The following NDUFC1 variants were observed in gnomAD, a reference collection of about 807,000 sequenced individuals.
NDUFC1 encodes NADH dehydrogenase [ubiquinone] 1 subunit C1, mitochondrial.
A neutral mutation model predicts 11.6 loss-of-function variants in NDUFC1; 11 were observed. The observed-to-expected ratio is 0.95, with a 90% CI of 0.60 to 1.58. The LOEUF (loss-of-function observed/expected upper bound fraction) is 1.58, where lower values mean the gene tolerates loss of function less well. NDUFC1 is among the 40% of genes most tolerant of loss of function. The pLI is 0.00. For synonymous variants in NDUFC1, 52 were observed against 42.2 expected (o/e 1.23, Z -0.90); for missense variants, 112 against 93.0 (o/e 1.20, Z -0.84).
At chr4:139,301,943 T>G (rs994808388) in intron 1 of NDUFC1, 3 of 1,178,952 alleles carry the variant, frequency 2.5e-6, no homozygotes, top group Non-Finnish European at 3.6e-6. Flanking sequence ...GGACCCCGCC[T>G]TCATAGCTCT....
At chr4:139,290,771 C>T (rs1348534879) in intron 5 of NDUFC1, among the ~76,000 whole-genome samples, 2 of 151,050 alleles carry the variant, frequency 1.3e-5, no homozygotes, top group African/African-American at 4.9e-5. Context: ...ATATTTGATA[C>T]ATATCTATAG....
chr4:139,293,494 GA>G (rs1293506562), intron 4 of NDUFC1, among the ~76,000 whole-genome samples: 2 of 152,118 alleles, frequency 1.3e-5, no homozygotes, highest in African/African-American at 4.8e-5. Flanking sequence ...TCTTGTTAGA[GA>G]AAACCTTAAA....
chr4:139,297,579 AAG>A (rs1350621870), intron 1 of NDUFC1, 136 bp from the exon 2 acceptor site: 1 of 152,218 alleles, frequency 6.6e-6, no homozygotes, highest in Non-Finnish European at 1.5e-5. Flanking sequence ...TCCAGGTGAA[AAG>A]AGAGAGGATT....
rs771627820 is a variant in NDUFC1, at chr4:139,295,909, C to T, written c.-111G>A. ...CAGCAGAGCTCCGTGGGGGCGTCAA[C>T]GTGAATTCCAGCACGGCAAGGTTCT... On this transcript the variant is annotated 5_prime_UTR_variant, in exon 3 of 6. Coordinates refer to ENST00000394223, the MANE Select transcript of NDUFC1 (RefSeq NM_001184989.2). 8.9e-7 allele frequency: 1 copy of T among 1,123,120 alleles called. No individual in the cohort carries two copies. 69.6% of individuals were successfully genotyped at this position (1,123,120 alleles called of 1,614,324 possible).
At position 139,295,731 on chromosome 4, in the gene NDUFC1, C is replaced by T. The variant is rs759444928; in HGVS notation, c.67+1G>A. Reference sequence around the variant, plus strand: ...TCGGCCTGCACGAGGAGGATACTCACGGCCGCTCGGGAGCCTGGCGGGGGC... The same window carrying T: ...TCGGCCTGCACGAGGAGGATACTCATGGCCGCTCGGGAGCCTGGCGGGGGC... On this transcript the variant is annotated splice_donor_variant, in intron 3 of 5. Coordinates refer to ENST00000394223, the MANE Select transcript of NDUFC1 (RefSeq NM_001184989.2). LOFTEE classifies it high-confidence loss of function. 2 of 1,542,354 alleles carry T rather than the reference C, an allele frequency of 1.3e-6. No individual in the cohort carries two copies. Among genetic ancestry groups the T allele is most frequent in the Admixed American group, 2.1e-5 (1 of 47,836 alleles).
At chr4:139,294,563 C>T (rs1037350659) in intron 4 of NDUFC1, among the ~76,000 whole-genome samples, 1 of 151,358 alleles carries the variant, frequency 6.6e-6, no homozygotes, top group African/African-American at 2.4e-5. Flanking sequence ...GGTGAAACCC[C>T]GTCTCTACCA....
intron 4 of NDUFC1, among the ~76,000 whole-genome samples, chr4:139,293,970 C>G (rs1178160949): frequency 9.0e-6 from 1 of 111,180 alleles, no homozygotes; most frequent in East Asian, 3.0e-4. Flanking sequence ...GAGACAGAGT[C>G]TCGCTGTATC....
In NDUFC1 at chr4:139,301,177, C is replaced by T. The variant is rs976947960; in HGVS notation, c.-222+1239G>A. Reference sequence around the variant, plus strand: ...TACACCTGTATTTTAGCACTTTGGGCTCAAACGATGATCACACAGTGTGCG... The same window carrying T: ...TACACCTGTATTTTAGCACTTTGGGTTCAAACGATGATCACACAGTGTGCG... On this transcript the variant is annotated intron_variant, in intron 1 of 5. Coordinates refer to ENST00000394223, the MANE Select transcript of NDUFC1 (RefSeq NM_001184989.2). 4.5e-5 allele frequency: 9 copies of T among 199,890 alleles called. No homozygotes were observed. In the Admixed American group the frequency reaches 4.8e-4, roughly 11 times the overall value. 12.4% of individuals were successfully genotyped at this position (199,890 alleles called of 1,614,324 possible). A position where few individuals can be genotyped will look rare whatever the true frequency, so the allele number is the denominator to read the frequency against.
intron 1 of NDUFC1, chr4:139,300,916 GACTA>G (rs1560944377): frequency 6.6e-6 from 1 of 152,176 alleles, no homozygotes; most frequent in Non-Finnish European, 1.5e-5. Flanking sequence ...CTTCGGATCT[GACTA>G]ACTACCTTTC....
At chr4:139,301,950 C>A in intron 1 of NDUFC1, 1 of 1,123,836 alleles carries the variant, frequency 8.9e-7, no homozygotes, top group Non-Finnish European at 1.3e-6. Context: ...GCCTTCATAG[C>A]TCTCGTCAGG....
intron 4 of NDUFC1, among the ~76,000 whole-genome samples, chr4:139,293,664 G>A (rs149483761): frequency 2.4e-4 from 37 of 152,264 alleles, no homozygotes; most frequent in African/African-American, 6.7e-4. Context: ...GGACAGTGGA[G>A]GAAGTCCCAA....
chr4:139,294,650 G>A (rs1294488296), intron 4 of NDUFC1, among the ~76,000 whole-genome samples: 1 of 151,484 alleles, frequency 6.6e-6, no homozygotes, highest in Non-Finnish European at 1.5e-5. Flanking sequence ...CAGGAGAATG[G>A]CGTGAACCCG....
In NDUFC1 at chr4:139,295,176, T is replaced by A. The variant is rs543440889; in HGVS notation, c.68-30A>T. 2.6e-6 allele frequency: 4 copies of A among 1,557,622 alleles called. No individual in the cohort carries two copies. In the South Asian group the frequency reaches 3.3e-5, roughly 13 times the overall value. On this transcript the variant is annotated intron_variant, in intron 3 of 5. Coordinates refer to ENST00000394223, the MANE Select transcript of NDUFC1 (RefSeq NM_001184989.2). The stretch of plus-strand genomic sequence containing the variant: ...AAGGGGAAGAGGGTCTGTAAATTTG[T>A]AACTTACTGCCTTGTAGGGAAAAAA...
Position 139,295,163 on chromosome 4 carries a change from G to GT in NDUFC1, c.68-18dup, listed in dbSNP as rs776259538. 2.7e-5 allele frequency: 43 copies of GT among 1,607,098 alleles called. No homozygotes were observed. The South Asian group carries it at 4.5e-4, about 17-fold the overall frequency. Reference sequence around the variant, plus strand: ...GCACTGAAGCTGAAAGGGGAAGAGGGTCTGTAAATTTGTAACTTACTGCCT... The same window carrying GT: ...GCACTGAAGCTGAAAGGGGAAGAGGGTTCTGTAAATTTGTAACTTACTGCCT... On this transcript the variant is annotated splice_polypyrimidine_tract_variant and intron_variant, in intron 3 of 5. Coordinates refer to ENST00000394223, the MANE Select transcript of NDUFC1 (RefSeq NM_001184989.2).
At chr4:139,291,338 A>G (rs1413636266) in intron 5 of NDUFC1, among the ~76,000 whole-genome samples, 1 of 151,882 alleles carries the variant, frequency 6.6e-6, no homozygotes, top group Non-Finnish European at 1.5e-5. Context: ...GCACTTTGGG[A>G]GGCCGAGGCG....
intron 1 of NDUFC1, among the ~76,000 whole-genome samples, chr4:139,299,071 G>A (rs1560943217): frequency 6.6e-6 from 1 of 152,008 alleles, no homozygotes; most frequent in East Asian, 1.9e-4. Context: ...CCAGGTTCAA[G>A]CGATTGTCTT....
intron 1 of NDUFC1, chr4:139,301,923 C>T: frequency 7.2e-7 from 1 of 1,381,048 alleles, no homozygotes; most frequent in Admixed American, 2.2e-5. Flanking sequence ...CACTGAGCCA[C>T]TCCCGCCCGG....
chr4:139,301,288 T>A (rs1010377822), intron 1 of NDUFC1: 1 of 378,978 alleles, frequency 2.6e-6, no homozygotes, highest in Admixed American at 4.4e-5. Context: ...TGAACCGTAC[T>A]TGCCTAGCCT....
chr4:139,296,441 C>T (rs1745479585), intron 2 of NDUFC1: 1 of 152,284 alleles, frequency 6.6e-6, no homozygotes. Flanking sequence ...AGTTTGAGGT[C>T]TTCTGACTCC....
Sources: gnomAD v4.1 joint callset for allele counts (sites outside exome capture counted in the v4.1 genomes callset) on GRCh38, gnomAD v4.1.1 for gene constraint, MANE v1.5 for transcripts, NCBI Gene and HGNC (gene_info 2026-07-23, HGNC 2026-07-21) for gene names.